The following TOX variants were observed in gnomAD, a reference collection of about 807,000 sequenced individuals.
The protein encoded by TOX is thymocyte selection associated high mobility group box, also known as thymocyte selection-associated high mobility group box protein TOX.
A neutral mutation model predicts 53.7 loss-of-function variants in TOX; 11 were observed. The observed-to-expected ratio is 0.20, with a 90% CI of 0.13 to 0.34. The LOEUF (loss-of-function observed/expected upper bound fraction) is 0.34. Ranked by LOEUF, TOX falls within the 10% of genes least tolerant of loss-of-function variation. The pLI is 1.00. For synonymous variants in TOX, 225 were observed against 245.3 expected (o/e 0.92, Z 0.77); for missense variants, 570 against 664.6 (o/e 0.86, Z 1.56).
At chr8:59,087,520 T>TC (rs1344727981) in intron 1 of TOX, among the ~76,000 whole-genome samples, 2 of 152,090 alleles carry the variant, frequency 1.3e-5, no homozygotes, top group Admixed American at 6.6e-5. Flanking sequence ...TCCAGGTCTG[T>TC]CCCCCCCTTT....
intron 1 of TOX, among the ~76,000 whole-genome samples, chr8:59,108,364 T>C (rs1563449121): frequency 1.3e-5 from 2 of 152,178 alleles, no homozygotes; most frequent in Admixed American, 6.6e-5. Context: ...TTGTGTCAAA[T>C]TCTGCTGTAA....
chr8:58,850,856 G>GT (rs1260093104), intron 4 of TOX, among the ~76,000 whole-genome samples: 1 of 152,172 alleles, frequency 6.6e-6, no homozygotes, highest in Non-Finnish European at 1.5e-5. Flanking sequence ...TTGGTAGCAT[G>GT]TTTACAGTTT....
intron 1 of TOX, among the ~76,000 whole-genome samples, chr8:59,097,102 C>T (rs1030120288): frequency 6.6e-6 from 1 of 152,170 alleles, no homozygotes; most frequent in African/African-American, 2.4e-5. Flanking sequence ...TGGGGGAACA[C>T]GTGATCAGGA....
In TOX at chr8:59,119,145, G is replaced by C. The variant is rs778021496; in HGVS notation, c.-158C>G. ...CCGTTTGTGGTTTGTTTAAGAAGAA[G>C]AGGAAAAAAAAAAAAAAGAGGGGGG... On this transcript the variant is annotated 5_prime_UTR_variant, in exon 1 of 9. Coordinates refer to ENST00000361421, the MANE Select transcript of TOX (RefSeq NM_014729.3). The C allele has an allele frequency of 6.7e-3, 2,542 of 379,618 alleles. 21 individuals carry two copies. Among genetic ancestry groups the C allele is most frequent in the Non-Finnish European group, 8.5e-3 (1,854 of 218,248 alleles). 23.5% of individuals were successfully genotyped at this position (379,618 alleles called of 1,614,324 possible).
At chr8:59,056,081 A>T (rs945535586) in intron 1 of TOX, among the ~76,000 whole-genome samples, 2 of 152,168 alleles carry the variant, frequency 1.3e-5, no homozygotes. Context: ...GTAGTAAAAA[A>T]TGAATAATTT....
intron 6 of TOX, among the ~76,000 whole-genome samples, chr8:58,824,835 C>A (rs1810339521): frequency 6.6e-6 from 1 of 152,112 alleles, no homozygotes; most frequent in Admixed American, 6.6e-5. Flanking sequence ...AGAGCACAAG[C>A]CCAGGAAGAT....
At chr8:58,921,092 C>T (rs1406922427) in intron 3 of TOX, among the ~76,000 whole-genome samples, 1 of 151,558 alleles carries the variant, frequency 6.6e-6, no homozygotes, top group Non-Finnish European at 1.5e-5. Flanking sequence ...CACAGAGAAC[C>T]AGGAGGTACT....
At chr8:58,994,868 C>T (rs1813529733) in intron 1 of TOX, among the ~76,000 whole-genome samples, 1 of 152,188 alleles carries the variant, frequency 6.6e-6, no homozygotes, top group African/African-American at 2.4e-5. Context: ...ATGCTGACGG[C>T]ACCCTATTAG....
Position 58,812,643 on chromosome 8 carries a change from T to C in TOX, c.1392+2695A>G, listed in dbSNP as rs147734229. ...AATTCTGTCTTCCAGTTTTATTTTT[T>C]TCAGGGGACCTTCGTTATTTGTTTA... is the stretch of plus-strand genomic sequence containing the variant. On this transcript the variant is annotated intron_variant, in intron 7 of 8. Transcript: ENST00000361421. Among the ~76,000 whole-genome samples, 6 of 152,266 alleles carry C rather than the reference T, an allele frequency of 3.9e-5. No homozygotes were observed. In the East Asian group the frequency reaches 1.2e-3, roughly 29 times the overall value.
chr8:59,057,440 G>A (rs1251896084), intron 1 of TOX, among the ~76,000 whole-genome samples: 1 of 152,068 alleles, frequency 6.6e-6, no homozygotes, highest in African/African-American at 2.4e-5. Flanking sequence ...AAAATGTGTA[G>A]AACAATGTTC....
At chr8:58,878,159 A>G (rs1811317449) in intron 3 of TOX, among the ~76,000 whole-genome samples, 1 of 151,446 alleles carries the variant, frequency 6.6e-6, no homozygotes, top group South Asian at 2.1e-4. Context: ...TCCCTTTTTT[A>G]TAGGAGGGTG....
intron 1 of TOX, among the ~76,000 whole-genome samples, chr8:59,045,425 T>C (rs1173518553): frequency 6.6e-6 from 1 of 152,232 alleles, no homozygotes; most frequent in East Asian, 1.9e-4. Context: ...GCAAGTCTTG[T>C]AACTGGTGCA....
rs571865791 is a variant in TOX, at chr8:58,933,743, A to T, written c.411+5559T>A. ...CTGAGAAGGATCATGGAGATCAACT[A>T]GTCTTGGGGCTTTCCATCTTCTTGG... On this transcript the variant is annotated intron_variant, in intron 3 of 8. Transcript: ENST00000361421. Among the ~76,000 whole-genome samples the T allele has an allele frequency of 6.6e-5, 10 of 152,338 alleles. No individual in the cohort carries two copies. In the South Asian group the frequency reaches 2.1e-3, roughly 32 times the overall value.
intron 2 of TOX, among the ~76,000 whole-genome samples, chr8:58,946,036 T>G (rs1014334609): frequency 6.6e-6 from 1 of 152,170 alleles, no homozygotes; most frequent in Non-Finnish European, 1.5e-5. Context: ...AATATGGCTA[T>G]GGTTATAACT....
chr8:59,053,838 A>T (rs1456328896), intron 1 of TOX, among the ~76,000 whole-genome samples: 2 of 152,236 alleles, frequency 1.3e-5, no homozygotes, highest in Non-Finnish European at 2.9e-5. Context: ...TAATTCTAGT[A>T]ATTCAAGACC....
intron 3 of TOX, among the ~76,000 whole-genome samples, chr8:58,933,584 G>A (rs929803824): frequency 6.6e-6 from 1 of 151,878 alleles, no homozygotes; most frequent in Non-Finnish European, 1.5e-5. Context: ...GGGGGGTGCA[G>A]TTAAAACACT....
chr8:58,957,772 T>C lies in TOX; in HGVS notation c.168+2171A>G, dbSNP rs140791852. Among the ~76,000 whole-genome samples the C allele has an allele frequency of 7.2e-4, 109 of 152,342 alleles. No homozygotes were observed. The East Asian group carries it at 0.019, about 26-fold the overall frequency. ...CAAGTTGTCTTGGATTACTAAACTA[T>C]GCAGATGTTTGATGTTATGTAGGAA... On this transcript the variant is annotated intron_variant, in intron 2 of 8. Coordinates refer to ENST00000361421, the MANE Select transcript of TOX (RefSeq NM_014729.3).
chr8:58,896,285 T>C (rs1324687973), intron 3 of TOX, among the ~76,000 whole-genome samples: 1 of 151,794 alleles, frequency 6.6e-6, no homozygotes, highest in Admixed American at 6.6e-5. Context: ...ACACCCAACA[T>C]AAAAGGGGGA....
chr8:58,942,597 C>T (rs1812460868), intron 2 of TOX, among the ~76,000 whole-genome samples: 1 of 152,034 alleles, frequency 6.6e-6, no homozygotes, highest in South Asian at 2.1e-4. Flanking sequence ...AAGTTCAATG[C>T]CAGGCTAATT....
Sources: allele counts gnomAD v4.1 joint callset (sites outside exome capture counted in the v4.1 genomes callset), GRCh38; gene constraint gnomAD v4.1.1; transcripts MANE v1.5; gene names NCBI Gene and HGNC (gene_info 2026-07-23, HGNC 2026-07-21).